FOLH1: variants seen among roughly 807,000 people sequenced by gnomAD.
The protein encoded by FOLH1 is glutamate carboxypeptidase 2.
Under a neutral mutation model 93.9 loss-of-function variants are expected in FOLH1, and 54 were observed. The ratio of observed to expected loss-of-function variants is 0.57; its 90% CI spans 0.46 to 0.72. The LOEUF is 0.72. Among genes scored for constraint, FOLH1 ranks in the 30% least tolerant of loss-of-function variants. The pLI is 0.00. For missense variants in FOLH1, 571 were observed against 892.5 expected, an observed-to-expected ratio of 0.64 and a Z score of 4.59; for synonymous variants, 249 against 303.6, an observed-to-expected ratio of 0.82 and a Z score of 1.87.
At chr11:49,153,973 C>G in intron 16 of FOLH1, 46 bp from the exon 17 acceptor site, 3 of 1,469,446 alleles carry the variant, frequency 2.0e-6, no homozygotes, top group Non-Finnish European at 2.8e-6. Flanking sequence ...AACATAATTT[C>G]TAATGGCACT....
chr11:49,185,462 C>A, intron 6 of FOLH1: 2 of 615,318 alleles, frequency 3.3e-6, no homozygotes, highest in East Asian at 6.0e-5. Flanking sequence ...CTGAATAAGT[C>A]TGAATTTGAA....
intron 3 of FOLH1, among the ~76,000 whole-genome samples, 199 bp from the exon 4 acceptor site, chr11:49,193,093 T>C (rs1172085703): frequency 2.6e-5 from 4 of 152,148 alleles, no homozygotes; most frequent in Non-Finnish European, 4.4e-5. Context: ...ACAGATTCTG[T>C]CCTCAAAATG....
intron 4 of FOLH1, among the ~76,000 whole-genome samples, chr11:49,188,686 T>C (rs562445592): frequency 6.6e-6 from 1 of 152,126 alleles, no homozygotes; most frequent in Admixed American, 6.5e-5. Context: ...AACACATTTG[T>C]TCAGTGGGTG....
Position 49,200,419 on chromosome 11 carries a change from A to G in FOLH1, c.247T>C (p.Leu83=), listed in dbSNP as rs1863145084. The part of the protein sequence containing the change: ...FLYNFTQIPH[L]AGTEQNFQLA... ...TGAAAGTTTTGTTCTGTTCCTGCTA[A>G]ATGTGGTATCTGTGTAAAATTACTG... The change falls in exon 3 of 19, where the codon TTA becomes CTA. Residue 83 remains leucine, a synonymous_variant. Transcript: ENST00000256999. The G allele has an allele frequency of 6.2e-7, 1 of 1,613,064 alleles. No homozygotes were observed. The highest frequency in any genetic ancestry group is 8.5e-7 in the Non-Finnish European group (1 of 1,179,622).
chr11:49,191,111 A>G (rs1030585226), intron 4 of FOLH1, among the ~76,000 whole-genome samples: 10 of 152,142 alleles, frequency 6.6e-5, no homozygotes, highest in Admixed American at 6.5e-4. Flanking sequence ...TCCCGCGTTC[A>G]CGCCATTCTC....
At chr11:49,151,335 G>A (rs565945055) in intron 17 of FOLH1, among the ~76,000 whole-genome samples, 42 of 152,232 alleles carry the variant, frequency 2.8e-4, no homozygotes, top group African/African-American at 2.9e-4. Flanking sequence ...AATGGGTTTC[G>A]GAATCAAATT....
intron 17 of FOLH1, among the ~76,000 whole-genome samples, chr11:49,149,507 A>G (rs998793255): frequency 2.0e-5 from 3 of 152,212 alleles, no homozygotes; most frequent in African/African-American, 7.2e-5. Flanking sequence ...ATAGGCAATT[A>G]TATAAAATAG....
chr11:49,163,489 C>A (rs1590476316), intron 13 of FOLH1, among the ~76,000 whole-genome samples: 2 of 146,774 alleles, frequency 1.4e-5, no homozygotes, highest in South Asian at 2.2e-4. Context: ...ACCCCTCCAC[C>A]CCCACCTCCC....
intron 3 of FOLH1, among the ~76,000 whole-genome samples, chr11:49,193,883 G>A (rs1398439162): frequency 2.6e-5 from 4 of 152,114 alleles, no homozygotes. Flanking sequence ...ATCCTGGCCA[G>A]GTGAGGTGGC....
intron 11 of FOLH1, 79 bp downstream of exon 11, chr11:49,171,116 T>C: frequency 7.0e-7 from 1 of 1,432,362 alleles, no homozygotes; most frequent in South Asian, 1.6e-5. Flanking sequence ...TATTCACTTC[T>C]TATTTTTATG....
At chr11:49,187,647 G>T (rs541401996) in intron 4 of FOLH1, among the ~76,000 whole-genome samples, 1 of 151,840 alleles carries the variant, frequency 6.6e-6, no homozygotes, top group Non-Finnish European at 1.5e-5. Flanking sequence ...TTCCCCCACA[G>T]AATTTTACTC....
chr11:49,155,263 T>TTC (rs1856882974), intron 15 of FOLH1, among the ~76,000 whole-genome samples: 1 of 152,124 alleles, frequency 6.6e-6, no homozygotes, highest in Non-Finnish European at 1.5e-5. Context: ...CATTTGACTT[T>TTC]TCTTTGTTGT....
chr11:49,190,201 G>C (rs1025706073), intron 4 of FOLH1, among the ~76,000 whole-genome samples: 1 of 152,122 alleles, frequency 6.6e-6, no homozygotes, highest in Admixed American at 6.6e-5. Flanking sequence ...TCTAAATGTG[G>C]CTGTCTTTTG....
chr11:49,171,546 G>A (rs1261718792), intron 10 of FOLH1, among the ~76,000 whole-genome samples: 7 of 152,082 alleles, frequency 4.6e-5, no homozygotes, highest in African/African-American at 1.2e-4. Context: ...ATAATGATTC[G>A]CTATGCATAG....
At chr11:49,149,453 AT>A (rs1306264452) in intron 17 of FOLH1, among the ~76,000 whole-genome samples, 1 of 152,148 alleles carries the variant, frequency 6.6e-6, no homozygotes, top group East Asian at 1.9e-4. Flanking sequence ...CACATGCTTA[AT>A]CCCCCTTTCA....
chr11:49,178,854 T>C (rs1240994157), intron 7 of FOLH1, among the ~76,000 whole-genome samples: 1 of 152,208 alleles, frequency 6.6e-6, no homozygotes, highest in Non-Finnish European at 1.5e-5. Flanking sequence ...TCTTGTAGCA[T>C]ATTAATTTTG....
At chr11:49,206,829 G>A in intron 1 of FOLH1, 1 of 1,528,486 alleles carries the variant, frequency 6.5e-7, no homozygotes, top group Non-Finnish European at 8.8e-7. Flanking sequence ...AGAAACAATG[G>A]ATAGCTAGAT....
chr11:49,166,565 C>T (rs1858438427), intron 12 of FOLH1, among the ~76,000 whole-genome samples: 1 of 152,122 alleles, frequency 6.6e-6, no homozygotes, highest in African/African-American at 2.4e-5. Context: ...TGGAAACACC[C>T]AAAACTGAGG....
chr11:49,160,567 C>G (rs754023319), intron 13 of FOLH1, among the ~76,000 whole-genome samples: 2 of 151,946 alleles, frequency 1.3e-5, no homozygotes, highest in Non-Finnish European at 2.9e-5. Context: ...CTCAGCCTCC[C>G]GAATAGCTGG....
Sources: gnomAD v4.1 joint callset for allele counts (sites outside exome capture counted in the v4.1 genomes callset) on GRCh38, gnomAD v4.1.1 for gene constraint, MANE v1.5 for transcripts, NCBI Gene and HGNC (gene_info 2026-07-23, HGNC 2026-07-21) for gene names.